The following GRID2 variants were observed in gnomAD, a reference collection of about 807,000 sequenced individuals.
GRID2 encodes glutamate ionotropic receptor delta type subunit 2, also known as glutamate receptor ionotropic, delta-2.
Under a neutral mutation model 114.8 loss-of-function variants are expected in GRID2, and 33 were observed. The observed-to-expected ratio is 0.29, with a 90% CI of 0.22 to 0.38. The LOEUF (loss-of-function observed/expected upper bound fraction) is 0.38, where lower values mean the gene tolerates loss of function less well. Ranked by LOEUF, GRID2 falls within the 10% of genes least tolerant of loss-of-function variation. The pLI is 1.00. For synonymous variants in GRID2, 505 were observed against 449.9 expected (o/e 1.12, Z -1.55); for missense variants, 1,184 against 1,257.7 (o/e 0.94, Z 0.89).
chr4:93,478,774 G>A (rs1180120973), intron 11 of GRID2, among the ~76,000 whole-genome samples: 1 of 151,984 alleles, frequency 6.6e-6, no homozygotes, highest in Non-Finnish European at 1.5e-5. Flanking sequence ...GTGGAAAGAA[G>A]GAACTGCTAT....
chr4:92,948,564 A>T, intron 2 of GRID2, among the ~76,000 whole-genome samples: 1 of 151,862 alleles, frequency 6.6e-6, no homozygotes. Flanking sequence ...TCATTTGTCA[A>T]AATCAGAATT....
intron 2 of GRID2, among the ~76,000 whole-genome samples, chr4:92,928,461 C>T (rs3911386): frequency 0.61 from 92,994 of 151,254 alleles, 30,186 homozygotes; most frequent in African/African-American, 0.82. Context: ...TTCTCATACA[C>T]GGAGAATTAA....
At chr4:93,260,617 C>A (rs1384105739) in intron 8 of GRID2, among the ~76,000 whole-genome samples, 1 of 151,722 alleles carries the variant, frequency 6.6e-6, no homozygotes, top group South Asian at 2.1e-4. Flanking sequence ...GCAAAACACT[C>A]AAAATATAAG....
intron 1 of GRID2, among the ~76,000 whole-genome samples, chr4:92,359,133 G>C (rs373463348): frequency 6.6e-6 from 1 of 151,820 alleles, no homozygotes; most frequent in African/African-American, 2.4e-5. Flanking sequence ...TTTAAGTAGT[G>C]AAGTTTTTGT....
At chr4:93,781,082 T>C (rs1039811904) in intron 1 of GRID2, among the ~76,000 whole-genome samples, 2 of 152,216 alleles carry the variant, frequency 1.3e-5, no homozygotes, top group African/African-American at 4.8e-5. Context: ...AAGATGGATA[T>C]AATTTTCCCA....
chr4:92,437,423 G>A (rs1732787725), intron 1 of GRID2, among the ~76,000 whole-genome samples: 1 of 152,094 alleles, frequency 6.6e-6, no homozygotes, highest in African/African-American at 2.4e-5. Flanking sequence ...GGGATTACAG[G>A]CATGCCTCAA....
In GRID2 at chr4:93,516,457, T is replaced by G. The variant is rs893149929; in HGVS notation, c.2193+1046T>G. Among the ~76,000 whole-genome samples the G allele has an allele frequency of 2.6e-5, 4 of 152,142 alleles. No homozygotes were observed. In the East Asian group the frequency reaches 7.7e-4, roughly 29 times the overall value. ...CTTCTGAGAGCTGGTGATGCTAACATAAACCTTTCTTCAAGTATTAATGAT... is the reference window on the plus strand; with the variant it reads ...CTTCTGAGAGCTGGTGATGCTAACAGAAACCTTTCTTCAAGTATTAATGAT... On this transcript the variant is annotated intron_variant, in intron 13 of 15. Transcript: ENST00000282020.
At chr4:93,310,425 G>A (rs1364895338) in intron 8 of GRID2, among the ~76,000 whole-genome samples, 1 of 152,096 alleles carries the variant, frequency 6.6e-6, no homozygotes, top group Non-Finnish European at 1.5e-5. Context: ...CAGCTACTTG[G>A]GAGGCTGAGG....
intron 13 of GRID2, among the ~76,000 whole-genome samples, chr4:93,563,305 C>G (rs923765293): frequency 6.6e-6 from 1 of 151,934 alleles, no homozygotes; most frequent in African/African-American, 2.4e-5. Context: ...TCTTAGCTCT[C>G]TAAATGGTGT....
chr4:92,752,865 A>G (rs1398758678), intron 2 of GRID2, among the ~76,000 whole-genome samples: 2 of 152,210 alleles, frequency 1.3e-5, no homozygotes, highest in South Asian at 2.1e-4. Context: ...TGGAACAAGT[A>G]TGCTTAAAAA....
At chr4:93,686,924 T>A (rs1288069818) in intron 14 of GRID2, among the ~76,000 whole-genome samples, 1 of 151,954 alleles carries the variant, frequency 6.6e-6, no homozygotes. Flanking sequence ...AAACAGAAGC[T>A]ATTGTAGCAA....
chr4:92,619,340 A>G (rs113582371), intron 2 of GRID2, among the ~76,000 whole-genome samples: 41 of 151,828 alleles, frequency 2.7e-4, no homozygotes, highest in African/African-American at 8.9e-4. Context: ...TCCTGAGCAT[A>G]TGCATAACTT....
chr4:92,401,071 T>C, intron 1 of GRID2, among the ~76,000 whole-genome samples: 1 of 152,184 alleles, frequency 6.6e-6, no homozygotes, highest in East Asian at 1.9e-4. Context: ...ATCCTTTCTT[T>C]CATAAAAGTT....
chr4:93,452,808 T>G (rs1722808026), intron 10 of GRID2, among the ~76,000 whole-genome samples: 2 of 151,880 alleles, frequency 1.3e-5, no homozygotes, highest in Admixed American at 6.6e-5. Context: ...AATAAATAAT[T>G]GTCTTTGATT....
chr4:93,380,230 G>A (rs1763728534), intron 8 of GRID2, among the ~76,000 whole-genome samples: 1 of 151,974 alleles, frequency 6.6e-6, no homozygotes, highest in Admixed American at 6.6e-5. Context: ...AAAAGGAAGA[G>A]GAGACAGCCA....
At position 93,524,053 on chromosome 4, in the gene GRID2, G is replaced by A. The variant is rs34570198; in HGVS notation, c.2193+8642G>A. Reference sequence around the variant, plus strand: ...GACAATTAATGAGCCATCAGCAGAAGGAGGGTGAGGGCTAATTGGAGCTTT... The same window carrying A: ...GACAATTAATGAGCCATCAGCAGAAAGAGGGTGAGGGCTAATTGGAGCTTT... On this transcript the variant is annotated intron_variant, in intron 13 of 15. Coordinates refer to ENST00000282020, the MANE Select transcript of GRID2 (RefSeq NM_001510.4). Among the ~76,000 whole-genome samples, 557 of 152,176 alleles carry A rather than the reference G, an allele frequency of 3.7e-3. 2 individuals carry two copies. Among genetic ancestry groups the A allele is most frequent in the Non-Finnish European group, 6.6e-3 (452 of 68,004 alleles).
intron 2 of GRID2, among the ~76,000 whole-genome samples, chr4:92,789,780 T>C (rs2149363566): frequency 6.6e-6 from 1 of 152,054 alleles, no homozygotes; most frequent in Admixed American, 6.6e-5. Flanking sequence ...GGTATTTCTC[T>C]GCTGGTTATC....
chr4:93,188,892 G>T (rs1253119172), intron 4 of GRID2, among the ~76,000 whole-genome samples: 1 of 152,028 alleles, frequency 6.6e-6, no homozygotes, highest in Non-Finnish European at 1.5e-5. Flanking sequence ...CCAATGACAT[G>T]TTTCTCATTT....
chr4:92,684,378 T>A (rs1201445508), intron 2 of GRID2, among the ~76,000 whole-genome samples: 1 of 151,980 alleles, frequency 6.6e-6, no homozygotes, highest in Non-Finnish European at 1.5e-5. Flanking sequence ...GGAAATAAGG[T>A]TGTACAGTGT....
Sources: allele counts gnomAD v4.1 joint callset (sites outside exome capture counted in the v4.1 genomes callset), GRCh38; gene constraint gnomAD v4.1.1; transcripts MANE v1.5; gene names NCBI Gene and HGNC (gene_info 2026-07-23, HGNC 2026-07-21).